The following SV2C variants were observed in gnomAD, a reference collection of about 807,000 sequenced individuals.
The protein encoded by SV2C is solute carrier family 22 member B3.
A neutral mutation model predicts 79.7 loss-of-function variants in SV2C; 49 were observed. The ratio of observed to expected loss-of-function variants is 0.61; its 90% CI spans 0.49 to 0.78. The LOEUF is 0.78. Ranked by LOEUF, SV2C falls within the 30% of genes least tolerant of loss-of-function variation. SV2C has a pLI of 0.00. For synonymous variants in SV2C, 334 were observed against 333.2 expected, an observed-to-expected ratio of 1.00 and a Z score of -0.03; for missense variants, 833 against 912.9, an observed-to-expected ratio of 0.91 and a Z score of 1.13.
chr5:76,066,841 A>G, the SV2C span, among the ~76,000 whole-genome samples: 1 of 150,578 alleles, frequency 6.6e-6, no homozygotes, highest in African/African-American at 2.4e-5. Flanking sequence ...TTGCTCTCAG[A>G]CTTCATTGCC....
At chr5:76,160,373 A>G (rs1194596325) in intron 2 of SV2C, among the ~76,000 whole-genome samples, 1 of 152,242 alleles carries the variant, frequency 6.6e-6, no homozygotes, top group Non-Finnish European at 1.5e-5. Flanking sequence ...GTACTGGCAC[A>G]AAGTTAGACA....
chr5:76,323,135 C>T (rs987380227), intron 12 of SV2C, among the ~76,000 whole-genome samples: 1 of 152,128 alleles, frequency 6.6e-6, no homozygotes, highest in Non-Finnish European at 1.5e-5. Context: ...GCAATCTACC[C>T]ATCTGACAAA....
chr5:76,238,020 TCA>T (rs1185787359), intron 4 of SV2C, among the ~76,000 whole-genome samples: 4 of 85,202 alleles, frequency 4.7e-5, no homozygotes, highest in Non-Finnish European at 1.1e-4. Flanking sequence ...ATACACACAA[TCA>T]CACATACACA....
At chr5:76,285,405 T>A in intron 5 of SV2C, 110 bp downstream of exon 5, 1 of 1,453,706 alleles carries the variant, frequency 6.9e-7, no homozygotes, top group African/African-American at 1.4e-5. Flanking sequence ...TTTCCCTTCC[T>A]ATTATAGAAT....
rs1023366406 is a variant in SV2C, at chr5:76,215,119, A to G, written c.913+5232A>G. Among the ~76,000 whole-genome samples, 5 of 152,286 alleles carry G rather than the reference A, an allele frequency of 3.3e-5. No individual in the cohort carries two copies. The East Asian group carries it at 9.7e-4, about 29-fold the overall frequency. ...AGCTTTTAGATTTTCACCATCGAGT[A>G]TGTTAGCTGGGAGCTTGTCATTGAT... On this transcript the variant is annotated intron_variant, in intron 4 of 12. Transcript: ENST00000502798.
chr5:76,288,752 A>G (rs1471626657), intron 6 of SV2C, among the ~76,000 whole-genome samples: 2 of 152,244 alleles, frequency 1.3e-5, no homozygotes, highest in African/African-American at 2.4e-5. Flanking sequence ...TGATAATTTC[A>G]AAGTCATTTA....
chr5:76,165,064 C>A (rs1474591261), intron 2 of SV2C, among the ~76,000 whole-genome samples: 4 of 151,820 alleles, frequency 2.6e-5, no homozygotes, highest in African/African-American at 9.7e-5. Context: ...TATTTTTGAT[C>A]TGCAGTTGGT....
chr5:75,931,397 C>T, the SV2C span, among the ~76,000 whole-genome samples: 2 of 152,210 alleles, frequency 1.3e-5, no homozygotes, highest in Non-Finnish European at 2.9e-5. Flanking sequence ...AAATGGGATA[C>T]TTGGATCATA....
At chr5:76,122,915 A>T (rs931356938) in intron 1 of SV2C, among the ~76,000 whole-genome samples, 4 of 152,214 alleles carry the variant, frequency 2.6e-5, no homozygotes, top group Admixed American at 6.5e-5. Context: ...CCTTCAAAAA[A>T]TTAATGAATC....
At chr5:76,078,751 T>G, upstream of SV2C, 5 of 573,144 alleles carry the variant, frequency 8.7e-6, no homozygotes, top group South Asian at 7.3e-5. Context: ...CTCCAGTCCA[T>G]TTTCCAGGAG....
chr5:76,094,282 T>C (rs1205617268), intron 1 of SV2C, among the ~76,000 whole-genome samples: 2 of 152,178 alleles, frequency 1.3e-5, no homozygotes. Flanking sequence ...GCCAAAAGCA[T>C]ATCTCCATTA....
chr5:75,984,567 A>ATATCTATCTATCTATC, the SV2C span, among the ~76,000 whole-genome samples: 357 of 102,864 alleles, frequency 3.5e-3, 1 homozygote, highest in African/African-American at 9.6e-3. Context: ...CTATCTATCT[A>ATATCTATCTATCTATC]TATCTATCTA....
At chr5:75,886,465 A>G in the SV2C span, among the ~76,000 whole-genome samples, 1 of 152,072 alleles carries the variant, frequency 6.6e-6, no homozygotes, top group South Asian at 2.1e-4. Flanking sequence ...CTCCTTGTCC[A>G]TTTGAGCAGA....
chr5:76,329,509 A>C lies in SV2C; in HGVS notation c.*3962A>C, dbSNP rs1279096109. 1 of 152,174 alleles carries C rather than the reference A, an allele frequency of 6.6e-6. No homozygotes were observed. The highest frequency in any genetic ancestry group is 2.4e-5 in the African/African-American group (1 of 41,442). The allele number at this position is 152,174 out of a possible 1,614,324, so 9.4% of individuals were successfully genotyped here. ...ACCAAAAACTGCTTAGTTGTCTTTCAAGATACCTTAAGAGATCAAAGGGGA... is the reference window on the plus strand; with the variant it reads ...ACCAAAAACTGCTTAGTTGTCTTTCCAGATACCTTAAGAGATCAAAGGGGA... On this transcript the variant is annotated 3_prime_UTR_variant, in exon 13 of 13. Coordinates refer to ENST00000502798, the MANE Select transcript of SV2C (RefSeq NM_014979.4).
intron 12 of SV2C, among the ~76,000 whole-genome samples, chr5:76,315,206 A>T (rs1198948178): frequency 6.6e-6 from 1 of 152,090 alleles, no homozygotes; most frequent in African/African-American, 2.4e-5. Flanking sequence ...ACACACACAC[A>T]CACACACACA....
intron 2 of SV2C, among the ~76,000 whole-genome samples, chr5:76,133,555 C>G (rs757583947): frequency 6.6e-6 from 1 of 152,106 alleles, no homozygotes; most frequent in Non-Finnish European, 1.5e-5. Context: ...ATGACCCACT[C>G]CTAGTATTTG....
At chr5:76,336,106 C>A (rs567426418), downstream of SV2C, among the ~76,000 whole-genome samples, 28 of 87,306 alleles carry the variant, frequency 3.2e-4, 1 homozygote, top group African/African-American at 9.1e-4. Flanking sequence ...GGGTCTGACC[C>A]CCCCCACCTC....
chr5:76,087,159 G>T (rs1162332715), intron 1 of SV2C, among the ~76,000 whole-genome samples: 1 of 152,160 alleles, frequency 6.6e-6, no homozygotes, highest in Non-Finnish European at 1.5e-5. Flanking sequence ...TGGTCCATTA[G>T]ATTTTGTATT....
chr5:76,181,503 G>A (rs1743731003), intron 2 of SV2C, among the ~76,000 whole-genome samples: 1 of 152,206 alleles, frequency 6.6e-6, no homozygotes, highest in East Asian at 1.9e-4. Context: ...AGTTTCACAA[G>A]CTTAACAGGA....
Sources: gnomAD v4.1 joint callset for allele counts (sites outside exome capture counted in the v4.1 genomes callset) on GRCh38, gnomAD v4.1.1 for gene constraint, MANE v1.5 for transcripts, NCBI Gene and HGNC (gene_info 2026-07-23, HGNC 2026-07-21) for gene names.